The following PRKCE variants were observed in gnomAD, a reference collection of about 807,000 sequenced individuals.
PRKCE encodes protein kinase C epsilon, also known as protein kinase C epsilon type.
Under a neutral mutation model 85.4 loss-of-function variants are expected in PRKCE, and 16 were observed. That is an observed-to-expected ratio of 0.19 (90% CI 0.13 to 0.28). PRKCE has a LOEUF of 0.28. PRKCE is among the 10% of genes least tolerant of loss of function. The pLI is 1.00. For missense variants in PRKCE, 573 were observed against 975.2 expected (o/e 0.59, Z 5.49); for synonymous variants, 388 against 371.5 (o/e 1.04, Z -0.51).
chr2:46,045,775 A>G (rs1708485438), intron 10 of PRKCE, among the ~76,000 whole-genome samples: 1 of 152,172 alleles, frequency 6.6e-6, no homozygotes, highest in Admixed American at 6.5e-5. Context: ...GCTGCTTGGG[A>G]GGCTGAGGCA....
At chr2:45,843,085 T>C (rs1259510833) in intron 2 of PRKCE, 22 bp downstream of exon 2, 8 of 1,609,878 alleles carry the variant, frequency 5.0e-6, no homozygotes, top group Non-Finnish European at 6.8e-6. Flanking sequence ...TGACTTCTCA[T>C]CCCTGTTTTC....
At chr2:45,858,949 G>A (rs1692914451) in intron 2 of PRKCE, among the ~76,000 whole-genome samples, 1 of 151,996 alleles carries the variant, frequency 6.6e-6, no homozygotes, top group South Asian at 2.1e-4. Flanking sequence ...GCTGAGGCGG[G>A]AGAATCACTT....
chr2:46,078,500 A>G (rs1668754018), intron 10 of PRKCE: 2 of 151,648 alleles, frequency 1.3e-5, no homozygotes, highest in African/African-American at 4.9e-5. Context: ...TGATCATGCC[A>G]CTGCACTATA....
chr2:46,024,292 C>T (rs1311476139), intron 10 of PRKCE, among the ~76,000 whole-genome samples: 2 of 151,572 alleles, frequency 1.3e-5, no homozygotes, highest in East Asian at 3.9e-4. Context: ...CCCTCTGCTT[C>T]CTGTTATGAG....
chr2:45,673,506 A>T (rs1237961401), intron 1 of PRKCE, among the ~76,000 whole-genome samples: 2 of 152,204 alleles, frequency 1.3e-5, no homozygotes, highest in African/African-American at 2.4e-5. Flanking sequence ...CATTTGGGAA[A>T]CACTGTCTTA....
At chr2:45,838,519 C>T (rs1258642515) in intron 1 of PRKCE, among the ~76,000 whole-genome samples, 1 of 152,172 alleles carries the variant, frequency 6.6e-6, no homozygotes, top group Non-Finnish European at 1.5e-5. Flanking sequence ...CCTCCCGATG[C>T]CCCCGAATAC....
At chr2:45,932,286 A>G (rs1461386016) in intron 2 of PRKCE, among the ~76,000 whole-genome samples, 2 of 152,220 alleles carry the variant, frequency 1.3e-5, no homozygotes, top group Admixed American at 6.5e-5. Flanking sequence ...AGACTAGTCC[A>G]TTGTGGGAAT....
intron 1 of PRKCE, among the ~76,000 whole-genome samples, chr2:45,764,041 A>C (rs749058746): frequency 1.4e-4 from 21 of 152,166 alleles, no homozygotes; most frequent in Middle Eastern, 3.2e-3. Context: ...AACTAGAAGG[A>C]TCTTTTGATG....
intron 10 of PRKCE, among the ~76,000 whole-genome samples, chr2:46,054,957 A>T (rs1195827764): frequency 1.3e-5 from 2 of 152,182 alleles, no homozygotes; most frequent in African/African-American, 4.8e-5. Context: ...ATCCCGGGGA[A>T]GATCACTTCC....
chr2:45,700,430 C>G (rs1678537277), intron 1 of PRKCE: 1 of 151,672 alleles, frequency 6.6e-6, no homozygotes, highest in Non-Finnish European at 1.5e-5. Flanking sequence ...AGCTGAGAGG[C>G]CAAGGAGGAC....
intron 11 of PRKCE, among the ~76,000 whole-genome samples, chr2:46,095,840 G>A (rs1047185306): frequency 2.0e-5 from 3 of 152,228 alleles, no homozygotes; most frequent in African/African-American, 4.8e-5. Context: ...AACAAGAATC[G>A]TAATAACAGC....
intron 10 of PRKCE, among the ~76,000 whole-genome samples, chr2:46,030,155 C>G (rs558519580): frequency 6.6e-6 from 1 of 152,276 alleles, no homozygotes; most frequent in East Asian, 1.9e-4. Flanking sequence ...ACTGCTGTCT[C>G]CATAGTCTAA....
At chr2:46,029,336 A>C (rs1228300234) in intron 10 of PRKCE, among the ~76,000 whole-genome samples, 2 of 152,166 alleles carry the variant, frequency 1.3e-5, no homozygotes, top group Non-Finnish European at 2.9e-5. Flanking sequence ...GCTGTCTCAG[A>C]TAATATGTTA....
In PRKCE at chr2:45,680,344, C is replaced by T. The variant is rs1004130436; in HGVS notation, c.348+27896C>T. Among the ~76,000 whole-genome samples the T allele has an allele frequency of 2.0e-5, 3 of 152,230 alleles. No individual in the cohort carries two copies. The East Asian group carries it at 5.8e-4, about 29-fold the overall frequency. On this transcript the variant is annotated intron_variant, in intron 1 of 14. Coordinates refer to ENST00000306156, the MANE Select transcript of PRKCE (RefSeq NM_005400.3). ...TGGATGGAATAAGCATACAACCGCT[C>T]TGTGTGCCCCCTTCTTTCCCCTCTG...
At chr2:45,825,961 T>C (rs1041609903) in intron 1 of PRKCE, among the ~76,000 whole-genome samples, 2 of 152,148 alleles carry the variant, frequency 1.3e-5, no homozygotes, top group African/African-American at 4.8e-5. Context: ...CTTAGGTTTT[T>C]TTGCCATCTC....
intron 14 of PRKCE, among the ~76,000 whole-genome samples, chr2:46,175,309 G>A (rs985290014): frequency 1.3e-5 from 2 of 152,132 alleles, no homozygotes; most frequent in African/African-American, 4.8e-5. Context: ...AGGTGGCCTA[G>A]GTGAAACAAT....
chr2:45,666,067 C>T (rs554299433), intron 1 of PRKCE, among the ~76,000 whole-genome samples: 8 of 152,224 alleles, frequency 5.3e-5, no homozygotes, highest in Admixed American at 2.0e-4. Context: ...GCTACAGGAC[C>T]GCTTCCTTCT....
At chr2:45,763,705 C>T (rs1026595698) in intron 1 of PRKCE, among the ~76,000 whole-genome samples, 2 of 152,158 alleles carry the variant, frequency 1.3e-5, no homozygotes, top group Non-Finnish European at 2.9e-5. Context: ...TGCCCAGACT[C>T]AGTGAGCGCT....
At chr2:46,109,604 G>A (rs192309510) in intron 11 of PRKCE, among the ~76,000 whole-genome samples, 5 of 152,100 alleles carry the variant, frequency 3.3e-5, no homozygotes, top group East Asian at 1.9e-4. Flanking sequence ...GTTTTTTGTC[G>A]ATGATTTTGG....
Sources: gnomAD v4.1 joint callset for allele counts (sites outside exome capture counted in the v4.1 genomes callset) on GRCh38, gnomAD v4.1.1 for gene constraint, MANE v1.5 for transcripts, NCBI Gene and HGNC (gene_info 2026-07-23, HGNC 2026-07-21) for gene names.